Variants in NFATC1 observed in about 807,000 individuals in gnomAD.
NFATC1 encodes nuclear factor of activated T cells 1.
A neutral mutation model predicts 76.0 loss-of-function variants in NFATC1; 22 were observed. The observed-to-expected ratio is 0.29, with a 90% CI of 0.21 to 0.41. The LOEUF (loss-of-function observed/expected upper bound fraction) is 0.41, where lower values mean the gene tolerates loss of function less well. NFATC1 is among the 10% of genes least tolerant of loss of function. The pLI is 1.00. For missense variants in NFATC1, 1,357 were observed against 1,337.7 expected (o/e 1.01, Z -0.23); for synonymous variants, 704 against 613.1 (o/e 1.15, Z -2.19).
chr18:79,396,582 G>C (rs1289314305), intron 1 of NFATC1, among the ~76,000 whole-genome samples: 1 of 152,172 alleles, frequency 6.6e-6, no homozygotes, highest in African/African-American at 2.4e-5. Flanking sequence ...CTCTGCCCCA[G>C]CGCTGAGGGC....
intron 2 of NFATC1, among the ~76,000 whole-genome samples, chr18:79,430,739 G>A (rs547655515): frequency 3.3e-5 from 5 of 152,362 alleles, no homozygotes; most frequent in Non-Finnish European, 7.3e-5. Flanking sequence ...ATAGGTGCAA[G>A]GTGCCTGAGA....
At chr18:79,436,040 T>G (rs1026619434) in intron 3 of NFATC1, among the ~76,000 whole-genome samples, 1 of 152,212 alleles carries the variant, frequency 6.6e-6, no homozygotes, top group African/African-American at 2.4e-5. Flanking sequence ...GTTTTCTCTT[T>G]CAGTTGGTGG....
At chr18:79,400,002 C>A (rs944792309) in intron 1 of NFATC1, among the ~76,000 whole-genome samples, 1 of 152,064 alleles carries the variant, frequency 6.6e-6, no homozygotes, top group South Asian at 2.1e-4. Context: ...ATTCCGTCGC[C>A]CTGGGCGCAG....
chr18:79,456,050 C>T (rs949849440), intron 6 of NFATC1, among the ~76,000 whole-genome samples: 10 of 152,338 alleles, frequency 6.6e-5, no homozygotes, highest in Non-Finnish European at 7.4e-5. Flanking sequence ...GGACCGTGAC[C>T]GGTGTGGTTC....
chr18:79,415,148 C>G lies in NFATC1; in HGVS notation c.1226+3647C>G, dbSNP rs1205405081. 2.6e-5 allele frequency among the ~76,000 whole-genome samples: 4 copies of G among 152,214 alleles called. No individual in the cohort carries two copies. In the East Asian group the frequency reaches 7.7e-4, roughly 29 times the overall value. On this transcript the variant is annotated intron_variant, in intron 2 of 9. Transcript: ENST00000427363. Reference sequence around the variant, plus strand: ...TGTCAGAGTCTCCACGTGTCTCACTCTCCGCACCCAGACAGTCTCTGGAGT... The same window carrying G: ...TGTCAGAGTCTCCACGTGTCTCACTGTCCGCACCCAGACAGTCTCTGGAGT...
chr18:79,486,380 C>T lies in NFATC1; in HGVS notation c.2225C>T (p.Ser742Phe). The stretch of plus-strand genomic sequence containing the variant: ...CTCGCGATGCCACCCGACCCCAGCT[C>T]CTGCCTCGTGGCCGGCTTCCCGCCC... ...QQLAMPPDPSSCLVAGFPPCP... is the reference protein window; with the variant it reads ...QQLAMPPDPSFCLVAGFPPCP... Residue 742 changes from serine to phenylalanine, a missense_variant, in exon 9 of 10, where the codon TCC becomes TTC. Ser to Phe is a radical substitution (Grantham distance 155). Coordinates refer to ENST00000427363, the MANE Select transcript of NFATC1 (RefSeq NM_001278669.2). 6.2e-7 allele frequency: 1 copy of T among 1,613,016 alleles called. No homozygotes were observed.
intron 2 of NFATC1, among the ~76,000 whole-genome samples, chr18:79,412,496 G>C (rs1290465408): frequency 3.3e-5 from 5 of 150,556 alleles, no homozygotes; most frequent in African/African-American, 1.2e-4. Flanking sequence ...GAGCACTCAG[G>C]GGGCGAGACC....
At chr18:79,412,173 C>T (rs2085714197) in intron 2 of NFATC1, among the ~76,000 whole-genome samples, 1 of 152,238 alleles carries the variant, frequency 6.6e-6, no homozygotes, top group African/African-American at 2.4e-5. Context: ...GTGTGAGGGG[C>T]TGCTGGAATT....
chr18:79,427,406 ATGGCTGGCCTCTGTG>A (rs2086387722), intron 2 of NFATC1, among the ~76,000 whole-genome samples: 1 of 86,912 alleles, frequency 1.2e-5, no homozygotes, highest in Non-Finnish European at 2.1e-5. Flanking sequence ...GGGGAGCTGG[ATGGCTGGCCTCTGTG>A]CGGTGGGTGG....
intron 9 of NFATC1, among the ~76,000 whole-genome samples, chr18:79,490,312 G>C (rs1415144055): frequency 1.3e-5 from 2 of 152,050 alleles, no homozygotes; most frequent in Non-Finnish European, 2.9e-5. Context: ...GTTAGGACAG[G>C]GTGGTCCCTG....
At chr18:79,430,078 G>T (rs1351075073) in intron 2 of NFATC1, among the ~76,000 whole-genome samples, 1 of 152,256 alleles carries the variant, frequency 6.6e-6, no homozygotes. Flanking sequence ...GACACACCGA[G>T]TCGGTTCACA....
At chr18:79,509,742 A>G (rs1358341247) in intron 9 of NFATC1, among the ~76,000 whole-genome samples, 1 of 152,228 alleles carries the variant, frequency 6.6e-6, no homozygotes, top group Non-Finnish European at 1.5e-5. Context: ...AGGCTGTGAC[A>G]ACTGTCAGCT....
At chr18:79,487,433 C>G (rs1038834853) in intron 9 of NFATC1, among the ~76,000 whole-genome samples, 2 of 152,348 alleles carry the variant, frequency 1.3e-5, no homozygotes, top group Admixed American at 1.3e-4. Flanking sequence ...GCAGTGGCGG[C>G]CTTGCCAGGA....
At position 79,474,240 on chromosome 18, in the gene NFATC1, G is replaced by A. The variant is rs563386980; in HGVS notation, c.2092+6658G>A. On this transcript the variant is annotated intron_variant, in intron 8 of 9. Transcript: ENST00000427363. The stretch of plus-strand genomic sequence containing the variant: ...CTGTCGACGTAAACCTGAGGGAAGC[G>A]TGTTCTCGCGCTCACTGTCGACGTA... Among the ~76,000 whole-genome samples, 11 of 104,742 alleles carry A rather than the reference G, an allele frequency of 1.1e-4. 1 individual carries two copies. The highest frequency in any genetic ancestry group is 9.8e-4 in the South Asian group (3 of 3,076). The allele number at this position is 104,742 out of a possible 152,430, so 68.7% of individuals were successfully genotyped here. A position where few individuals can be genotyped will look rare whatever the true frequency, so the allele number is the denominator to read the frequency against.
intron 8 of NFATC1, chr18:79,470,136 C>A: frequency 2.8e-6 from 1 of 362,520 alleles, no homozygotes; most frequent in Non-Finnish European, 3.8e-6. Context: ...GCATCTGTGT[C>A]TTGGGGTCCA....
At chr18:79,457,973 CCTGT>C (rs967221352) in intron 6 of NFATC1, among the ~76,000 whole-genome samples, 7 of 152,188 alleles carry the variant, frequency 4.6e-5, no homozygotes, top group Non-Finnish European at 8.8e-5. Flanking sequence ...GCTGCCCACA[CCTGT>C]CTGTCGATGG....
intron 6 of NFATC1, among the ~76,000 whole-genome samples, chr18:79,454,464 T>C (rs2087600817): frequency 6.6e-6 from 1 of 151,506 alleles, no homozygotes. Flanking sequence ...AGGAAGGGAG[T>C]CCCCGCAGCA....
At chr18:79,427,993 C>G (rs1199961118) in intron 2 of NFATC1, among the ~76,000 whole-genome samples, 2 of 135,072 alleles carry the variant, frequency 1.5e-5, no homozygotes, top group African/African-American at 2.8e-5. Flanking sequence ...CGGCTGGCCT[C>G]TATGTAGTCG....
intron 2 of NFATC1, among the ~76,000 whole-genome samples, chr18:79,413,472 T>C (rs1414560022): frequency 1.3e-5 from 2 of 152,172 alleles, no homozygotes; most frequent in Non-Finnish European, 2.9e-5. Context: ...CATCTCTCCA[T>C]CCACCGTGCA....
Sources: gnomAD v4.1 joint callset for allele counts (sites outside exome capture counted in the v4.1 genomes callset) on GRCh38, gnomAD v4.1.1 for gene constraint, MANE v1.5 for transcripts, NCBI Gene and HGNC (gene_info 2026-07-23, HGNC 2026-07-21) for gene names.